STPG2: variants seen among roughly 807,000 people sequenced by gnomAD.
STPG2 encodes sperm tail PG-rich repeat containing 2.
A neutral mutation model predicts 54.2 loss-of-function variants in STPG2; 56 were observed. The ratio of observed to expected loss-of-function variants is 1.03; its 90% confidence interval spans 0.83 to 1.29. The LOEUF (loss-of-function observed/expected upper bound fraction) is 1.29, where lower values mean the gene tolerates loss of function less well. STPG2 is among the 50% of genes most tolerant of loss of function. The probability of loss-of-function intolerance (pLI) is 0.00; values close to 1 mark genes in which losing one functional copy is unlikely to be tolerated. For synonymous variants in STPG2, 200 were observed against 181.8 expected (o/e 1.10, Z -0.81); for missense variants, 596 against 544.9 (o/e 1.09, Z -0.93).
At chr4:97,858,530 A>G (rs1376368780) in intron 8 of STPG2, among the ~76,000 whole-genome samples, 1 of 152,104 alleles carries the variant, frequency 6.6e-6, no homozygotes, top group African/African-American at 2.4e-5. Context: ...ACTGTACCCA[A>G]TAGTATTTTA....
At chr4:97,918,010 A>C (rs927274221) in intron 8 of STPG2, among the ~76,000 whole-genome samples, 2 of 152,146 alleles carry the variant, frequency 1.3e-5, no homozygotes, top group African/African-American at 4.8e-5. Flanking sequence ...ACAATGGAGA[A>C]CTCTGCATTT....
At chr4:97,887,562 C>A (rs1004977061) in intron 8 of STPG2, among the ~76,000 whole-genome samples, 2 of 152,042 alleles carry the variant, frequency 1.3e-5, no homozygotes, top group Non-Finnish European at 2.9e-5. Flanking sequence ...CTTCTAAAAA[C>A]CTATACTCAT....
Position 98,135,628 on chromosome 4 carries a change from T to C in STPG2, c.110-1169A>G, listed in dbSNP as rs564862374. Among the ~76,000 whole-genome samples the C allele has an allele frequency of 2.6e-5, 4 of 151,832 alleles. No homozygotes were observed. In the East Asian group the frequency reaches 5.8e-4, roughly 22 times the overall value. ...TTCAAGGTGTTAATTTAGTGACTGA[T>C]GGTTTTAGCTGGTTATCCCAAATCA... On this transcript the variant is annotated intron_variant, in intron 1 of 10. Transcript: ENST00000295268.
chr4:97,442,762 A>G (rs543752050), intron 4 of STPG2, among the ~76,000 whole-genome samples: 7 of 152,212 alleles, frequency 4.6e-5, no homozygotes, highest in Non-Finnish European at 1.0e-4. Context: ...ACATACAACC[A>G]TAACATATTC....
At chr4:97,778,240 T>TA (rs771199609) in intron 9 of STPG2, among the ~76,000 whole-genome samples, 21 of 152,134 alleles carry the variant, frequency 1.4e-4, no homozygotes. Flanking sequence ...CCAATGGTCG[T>TA]AGCAAAGGGC....
At chr4:97,981,756 C>CA (rs574058039) in intron 5 of STPG2, among the ~76,000 whole-genome samples, 27 of 149,478 alleles carry the variant, frequency 1.8e-4, no homozygotes, top group South Asian at 6.3e-4. Context: ...TTAGATATCT[C>CA]AAAAAAAATC....
Position 97,451,166 on chromosome 4 carries a change from T to C in STPG2, c.462+261533A>G, listed in dbSNP as rs62315840. Among the ~76,000 whole-genome samples, 637 of 152,216 alleles carry C rather than the reference T, an allele frequency of 4.2e-3. 3 individuals are homozygous for C. Among genetic ancestry groups the C allele is most frequent in the Non-Finnish European group, 6.2e-3 (419 of 67,996 alleles). On this transcript the variant is annotated intron_variant, in intron 4 of 4. Coordinates refer to the STPG2 transcript ENST00000522676. ...CTCAAATTCATAGCCAGATATGGGG[T>C]AGAAGCCTATAAAACAGATTAGAAT...
At chr4:97,526,279 T>A (rs965029689) in intron 4 of STPG2, among the ~76,000 whole-genome samples, 6 of 152,072 alleles carry the variant, frequency 3.9e-5, no homozygotes, top group African/African-American at 1.4e-4. Context: ...GTAAAATTCC[T>A]TATTCTAGCC....
At chr4:97,562,197 G>A (rs1158068034) in intron 10 of STPG2, among the ~76,000 whole-genome samples, 2 of 152,116 alleles carry the variant, frequency 1.3e-5, no homozygotes, top group African/African-American at 4.8e-5. Context: ...TATTCTCTTT[G>A]AAGCAATTGT....
At chr4:98,129,444 C>T (rs1739921400) in intron 2 of STPG2, among the ~76,000 whole-genome samples, 3 of 150,964 alleles carry the variant, frequency 2.0e-5, no homozygotes, top group Admixed American at 2.0e-4. Flanking sequence ...ATGGAAATAG[C>T]AAAATATAAA....
At chr4:97,574,604 G>A (rs1443312530) in intron 10 of STPG2, among the ~76,000 whole-genome samples, 2 of 151,990 alleles carry the variant, frequency 1.3e-5, no homozygotes, top group East Asian at 1.9e-4. Flanking sequence ...AGGCCTTTAG[G>A]AGAAGAGAGG....
rs578058502 is a variant in STPG2 at position 97,591,561 on chromosome 4, A to G, written c.1321-32444T>C. On this transcript the variant is annotated intron_variant, in intron 10 of 10. Coordinates refer to ENST00000295268, the MANE Select transcript of STPG2 (RefSeq NM_174952.3). The stretch of plus-strand genomic sequence containing the variant: ...CCTTTTTGGATAACCTGATTCTTCC[A>G]CAGATCACCACACTTGAAGGTGAAA... Among the ~76,000 whole-genome samples the G allele has an allele frequency of 4.6e-5, 7 of 152,318 alleles. No individual in the cohort carries two copies. The South Asian group carries it at 1.4e-3, about 32-fold the overall frequency.
At chr4:97,671,501 G>A (rs550742212) in intron 10 of STPG2, among the ~76,000 whole-genome samples, 2 of 152,212 alleles carry the variant, frequency 1.3e-5, no homozygotes, top group South Asian at 4.1e-4. Context: ...TTTTTGTGTT[G>A]CACTAGTTAT....
chr4:97,535,708 C>T lies in STPG2; in HGVS notation c.462+176991G>A, dbSNP rs546147335. ...CATTGATTAAAATAATTATCATGCA[C>T]TTGGTGGTGTTTTATGCCTATGCTG... On this transcript the variant is annotated intron_variant, in intron 4 of 4. Coordinates refer to the STPG2 transcript ENST00000522676. Among the ~76,000 whole-genome samples the T allele has an allele frequency of 6.4e-4, 98 of 152,114 alleles. 2 individuals are homozygous for T. The highest frequency in any genetic ancestry group is 3.2e-4 in the Non-Finnish European group (22 of 68,022).
rs1482182739 is a variant in STPG2, at chr4:97,781,081, C to G, written c.1204+59692G>C. On this transcript the variant is annotated intron_variant, in intron 9 of 10. Coordinates refer to ENST00000295268, the MANE Select transcript of STPG2 (RefSeq NM_174952.3). ...GCAGAAGGCAAGAAATAACTAAGAT[C>G]AGAGAAGAACTGAAGGAGATAGAGA... 3.9e-5 allele frequency among the ~76,000 whole-genome samples: 6 copies of G among 151,922 alleles called. No individual in the cohort carries two copies. The East Asian group carries it at 1.2e-3, about 29-fold the overall frequency.
At chr4:98,030,822 T>G (rs879471375) in intron 5 of STPG2, among the ~76,000 whole-genome samples, 3 of 152,178 alleles carry the variant, frequency 2.0e-5, no homozygotes, top group Non-Finnish European at 2.9e-5. Flanking sequence ...CTGAGATAAC[T>G]GGCTAGTCAT....
At chr4:97,944,080 T>C in intron 7 of STPG2, 73 bp from the exon 8 acceptor site, 3 of 979,336 alleles carry the variant, frequency 3.1e-6, no homozygotes, top group Non-Finnish European at 4.7e-6. Flanking sequence ...AAATAATAAG[T>C]TTGCAATGAA....
intron 10 of STPG2, among the ~76,000 whole-genome samples, chr4:97,639,073 T>C (rs1486828369): frequency 2.6e-5 from 4 of 152,074 alleles, no homozygotes; most frequent in East Asian, 1.9e-4. Flanking sequence ...TTATTCACAA[T>C]AGCAAAGACT....
intron 10 of STPG2, among the ~76,000 whole-genome samples, chr4:97,596,005 C>T (rs1733279392): frequency 6.6e-6 from 1 of 152,068 alleles, no homozygotes; most frequent in African/African-American, 2.4e-5. Flanking sequence ...ACCAACAATA[C>T]GCTTTCTTCA....
Sources: gnomAD v4.1 joint callset for allele counts (sites outside exome capture counted in the v4.1 genomes callset) on GRCh38, gnomAD v4.1.1 for gene constraint, MANE v1.5 for transcripts, NCBI Gene and HGNC (gene_info 2026-07-23, HGNC 2026-07-21) for gene names.